The following ETAA1 variants were observed in gnomAD, a reference collection of about 807,000 sequenced individuals.
ETAA1 encodes the protein ETAA1 activator of ATR kinase.
In ETAA1, 49 loss-of-function variants were observed where a neutral mutation model predicts 76.8. The observed-to-expected ratio is 0.64, with a 90% CI of 0.51 to 0.81. The LOEUF is 0.81. Ranked by LOEUF, ETAA1 falls within the 30% of genes least tolerant of loss-of-function variation. The pLI is 0.00. For synonymous variants in ETAA1, 373 were observed against 372.2 expected, an observed-to-expected ratio of 1.00 and a Z score of -0.03; for missense variants, 1,099 against 1,074.0, an observed-to-expected ratio of 1.02 and a Z score of -0.32.
At chr2:67,407,928 ATGT>A (rs1354706714) in intron 5 of ETAA1, among the ~76,000 whole-genome samples, 1 of 152,096 alleles carries the variant, frequency 6.6e-6, no homozygotes, top group Non-Finnish European at 1.5e-5. Context: ...GTTCAAGCCC[ATGT>A]TGTTCAAGGG....
chr2:67,404,715 A>G lies in ETAA1; in HGVS notation c.2033A>G (p.Asn678Ser). The change falls in exon 5 of 6, where the codon AAC becomes AGC. Residue 678 changes from asparagine (N) to serine (S), a missense_variant. Asn to Ser is a conservative substitution (Grantham distance 46). This residue lies in a region of ETAA1 where 36 missense variants were observed against 64.0 expected (regional missense o/e 0.56). Coordinates refer to ENST00000272342, the MANE Select transcript of ETAA1 (RefSeq NM_019002.4). ...INNNSEHGAK[N>S]MFAISKQGSN... is the part of the protein sequence containing the mutation. ...AATAATTCCGAACATGGAGCCAAAAACATGTTTGCTATATCTAAACAAGGA... is the reference window on the plus strand; with the variant it reads ...AATAATTCCGAACATGGAGCCAAAAGCATGTTTGCTATATCTAAACAAGGA... 6.2e-7 allele frequency: 1 copy of G among 1,613,504 alleles called. No homozygotes were observed. Among genetic ancestry groups the G allele is most frequent in the Non-Finnish European group, 8.5e-7 (1 of 1,179,580 alleles).
At chr2:67,401,761 G>A (rs1558579847) in intron 3 of ETAA1, 1 of 151,838 alleles carries the variant, frequency 6.6e-6, no homozygotes, top group South Asian at 2.1e-4. Context: ...ATTCAAGATT[G>A]TTGAAATAAA....
chr2:67,409,825 G>A, intron 5 of ETAA1, 86 bp from the exon 6 acceptor site: 3 of 1,260,966 alleles, frequency 2.4e-6, no homozygotes, highest in Non-Finnish European at 3.3e-6. Context: ...GCAAATCTGG[G>A]TGATTAAAAA....
Position 67,411,130 on chromosome 2 carries a change from A to G in ETAA1, c.*1092A>G, listed in dbSNP as rs180888976. 4.0e-5 allele frequency: 6 copies of G among 150,770 alleles called. No individual in the cohort carries two copies. The East Asian group carries it at 1.2e-3, about 29-fold the overall frequency. 9.3% of individuals were successfully genotyped at this position (150,770 alleles called of 1,614,324 possible). A position where few individuals can be genotyped will look rare whatever the true frequency, so the allele number is the denominator to read the frequency against. ...TGTTTTGTTTTTTTCTTTTTTTGCC[A>G]TTTTGCCTATTTGGAATTTGCTAAA... On this transcript the variant is annotated 3_prime_UTR_variant, in exon 6 of 6. Coordinates refer to ENST00000272342, the MANE Select transcript of ETAA1 (RefSeq NM_019002.4).
intron 5 of ETAA1, among the ~76,000 whole-genome samples, chr2:67,406,692 A>G (rs1676228450): frequency 6.6e-6 from 1 of 152,132 alleles, no homozygotes; most frequent in Admixed American, 6.5e-5. Context: ...AGCATTTTCT[A>G]TGAATATAAA....
chr2:67,407,766 C>G (rs564772397), intron 5 of ETAA1, among the ~76,000 whole-genome samples: 15 of 152,114 alleles, frequency 9.9e-5, no homozygotes, highest in Admixed American at 3.3e-4. Context: ...ATAATATTTA[C>G]TATTCATTAA....
Position 67,410,001 on chromosome 2 carries a change from C to G in ETAA1, c.2744C>G (p.Ala915Gly). The G allele has an allele frequency of 6.2e-7, 1 of 1,608,882 alleles. No individual in the cohort carries two copies. Among genetic ancestry groups the G allele is most frequent in the Non-Finnish European group, 8.5e-7 (1 of 1,178,018 alleles). The change falls in exon 6 of 6, where the codon GCC (alanine) becomes GGC (glycine). Residue 915 changes from alanine (A) to glycine (G), a missense_variant. Physicochemically the swap from Ala to Gly is moderately conservative, Grantham distance 60. Coordinates refer to ENST00000272342, the MANE Select transcript of ETAA1 (RefSeq NM_019002.4). ...ALVRRMAKAR[A>G]SSVNAAPTSF... is the part of the protein sequence containing the mutation. The stretch of plus-strand genomic sequence containing the variant: ...GTTCGGAGAATGGCTAAAGCACGAG[C>G]CTCATCTGTAAATGCAGCTCCCACT...
At position 67,400,706 on chromosome 2, in the gene ETAA1, C is replaced by A. The variant is rs1438642566; in HGVS notation, c.429+1080C>A. On this transcript the variant is annotated intron_variant, in intron 3 of 5. Coordinates refer to ENST00000272342, the MANE Select transcript of ETAA1 (RefSeq NM_019002.4). The stretch of plus-strand genomic sequence containing the variant: ...AAGGAAGTATGCCATTTTTCCTTAA[C>A]CTGCGCTTGAATAGTTACTATATGT... 3.9e-5 allele frequency: 6 copies of A among 152,070 alleles called. No individual in the cohort carries two copies. The East Asian group carries it at 5.8e-4, about 15-fold the overall frequency. The allele number at this position is 152,070 out of a possible 1,614,324, so 9.4% of individuals were successfully genotyped here. A position where few individuals can be genotyped will look rare whatever the true frequency, so the allele number is the denominator to read the frequency against.
At chr2:67,397,727 A>G in intron 1 of ETAA1, 56 bp downstream of exon 1, 1 of 1,495,642 alleles carries the variant, frequency 6.7e-7, no homozygotes, top group Non-Finnish European at 9.0e-7. Context: ...CCCACATCCC[A>G]GCTTGCAACA....
In ETAA1 at chr2:67,404,942, T is replaced by C; in HGVS notation, c.2260T>C (p.Tyr754His). The C allele has an allele frequency of 6.2e-7, 1 of 1,613,122 alleles. No homozygotes were observed. Among genetic ancestry groups the C allele is most frequent in the Non-Finnish European group, 8.5e-7 (1 of 1,179,424 alleles). Reference protein sequence around the residue: ...NCQINNLHVSYTNTDVPIQVN... With the variant: ...NCQINNLHVSHTNTDVPIQVN... The stretch of plus-strand genomic sequence containing the variant: ...TCAGATAAATAATCTGCATGTGTCT[T>C]ATACTAACACTGATGTTCCAATACA... Residue 754 changes from tyrosine to histidine, a missense_variant, in exon 5 of 6, where the codon TAT becomes CAT. Physicochemically the swap from Tyr to His is moderately conservative, Grantham distance 83 (BLOSUM62 2). Coordinates refer to ENST00000272342, the MANE Select transcript of ETAA1 (RefSeq NM_019002.4).
intron 5 of ETAA1, among the ~76,000 whole-genome samples, chr2:67,407,168 T>G (rs1288014457): frequency 7.2e-5 from 11 of 151,846 alleles, no homozygotes; most frequent in African/African-American, 1.9e-4. Flanking sequence ...TCCAATCTTT[T>G]GGCTTCCCTG....
chr2:67,404,912 A>G lies in ETAA1; in HGVS notation c.2230A>G (p.Asn744Asp), dbSNP rs200135158. ...TTTGACTATGTATTCTAAGATCTCA[A>G]ACTGTCAGATAAATAATCTGCATGT... is the stretch of plus-strand genomic sequence containing the variant. Reference protein sequence around the residue: ...TNLTMYSKISNCQINNLHVSY... With the variant: ...TNLTMYSKISDCQINNLHVSY... Residue 744 changes from asparagine (N) to aspartate (D), a missense_variant, in exon 5 of 6, where the codon AAC (asparagine) becomes GAC (aspartate). This residue lies in a region of ETAA1 where 302 missense variants were observed against 278.1 expected (regional missense o/e 1.09). Coordinates refer to ENST00000272342, the MANE Select transcript of ETAA1 (RefSeq NM_019002.4). The G allele has an allele frequency of 1.8e-5, 29 of 1,613,020 alleles. No individual in the cohort carries two copies. In the African/African-American group the frequency reaches 2.0e-4, roughly 11 times the overall value.
rs771718746 is a variant in ETAA1 at position 67,404,417 on chromosome 2, G to A, written c.1735G>A (p.Asp579Asn). 1.1e-5 allele frequency: 17 copies of A among 1,613,132 alleles called. No individual in the cohort carries two copies. Among genetic ancestry groups the A allele is most frequent in the Middle Eastern group, 1.6e-4 (1 of 6,080 alleles). Residue 579 changes from aspartate to asparagine, a missense_variant, in exon 5 of 6, where the codon GAT (aspartate) becomes AAT (asparagine). Asp to Asn is a conservative substitution (Grantham distance 23). This residue lies in a region of ETAA1 where 761 missense variants were observed against 731.9 expected (regional missense o/e 1.04). Transcript: ENST00000272342. ...SASKVGSFFD[D>N]WNDPSFANEI... ...ATCAAAAGTAGGTTCTTTCTTTGAT[G>A]ATTGGAATGATCCCTCATTTGCCAA...
intron 3 of ETAA1, chr2:67,400,450 T>C (rs1440960668): frequency 6.6e-6 from 1 of 152,120 alleles, no homozygotes; most frequent in East Asian, 1.9e-4. Context: ...AAAAATTTTT[T>C]TTTGAGTGTT....
At chr2:67,407,698 T>C (rs1332503062) in intron 5 of ETAA1, among the ~76,000 whole-genome samples, 3 of 152,166 alleles carry the variant, frequency 2.0e-5, no homozygotes, top group Admixed American at 6.6e-5. Flanking sequence ...ATATGTATTA[T>C]ATACTGTATT....
At position 67,410,802 on chromosome 2, in the gene ETAA1, T is replaced by A. The variant is rs1454632961; in HGVS notation, c.*764T>A. 1 of 152,080 alleles carries A rather than the reference T, an allele frequency of 6.6e-6. No homozygotes were observed. The highest frequency in any genetic ancestry group is 2.4e-5 in the African/African-American group (1 of 41,456). 9.4% of individuals were successfully genotyped at this position (152,080 alleles called of 1,614,324 possible). On this transcript the variant is annotated 3_prime_UTR_variant, in exon 6 of 6. Coordinates refer to ENST00000272342, the MANE Select transcript of ETAA1 (RefSeq NM_019002.4). ...TACTGTTTTCAAAGTCATAGGCAAG[T>A]TAATGCTGTGCTACAATTAGAATGA...
intron 1 of ETAA1, among the ~76,000 whole-genome samples, chr2:67,398,547 A>G (rs1414530106): frequency 1.3e-5 from 2 of 152,012 alleles, no homozygotes; most frequent in African/African-American, 2.4e-5. Context: ...CGTGTTAGCC[A>G]GGATGGTCTC....
At chr2:67,405,370 A>G in intron 5 of ETAA1, 35 bp downstream of exon 5, 1 of 1,455,114 alleles carries the variant, frequency 6.9e-7, no homozygotes, top group Non-Finnish European at 9.2e-7. Flanking sequence ...TTCTTTGAAA[A>G]GCATCTTAAA....
At chr2:67,400,975 A>G (rs530540706) in intron 3 of ETAA1, 7 of 152,254 alleles carry the variant, frequency 4.6e-5, no homozygotes, top group East Asian at 1.9e-4. Flanking sequence ...TACTTACTCT[A>G]TAAGTTAACA....
Sources: allele counts gnomAD v4.1 joint callset (sites outside exome capture counted in the v4.1 genomes callset), GRCh38; gene constraint gnomAD v4.1.1; regional missense constraint gnomAD v4.1.1; transcripts MANE v1.5; gene names NCBI Gene and HGNC (gene_info 2026-07-23, HGNC 2026-07-21).